Variants in PDCD6IP observed in about 807,000 individuals in gnomAD.
The protein encoded by PDCD6IP is programmed cell death 6 interacting protein, also known as programmed cell death 6-interacting protein.
A neutral mutation model predicts 103.7 loss-of-function variants in PDCD6IP; 43 were observed. The ratio of observed to expected loss-of-function variants is 0.41; its 90% CI spans 0.32 to 0.53. The LOEUF (loss-of-function observed/expected upper bound fraction) is 0.53. Ranked by LOEUF, PDCD6IP falls within the 20% of genes least tolerant of loss-of-function variation. The pLI, the probability that PDCD6IP is intolerant of heterozygous loss-of-function variation, is 0.16. For missense variants in PDCD6IP, 871 were observed against 1,036.7 expected, an observed-to-expected ratio of 0.84 and a Z score of 2.20; for synonymous variants, 354 against 378.7, an observed-to-expected ratio of 0.93 and a Z score of 0.76.
intron 15 of PDCD6IP, among the ~76,000 whole-genome samples, chr3:33,860,691 A>G (rs1021082982): frequency 3.3e-5 from 5 of 152,204 alleles, no homozygotes; most frequent in Admixed American, 6.5e-5. Context: ...TATTTGTGAG[A>G]TTCATCAGTA....
intron 1 of PDCD6IP, among the ~76,000 whole-genome samples, chr3:33,804,309 G>C (rs1696544053): frequency 6.6e-6 from 1 of 152,196 alleles, no homozygotes; most frequent in African/African-American, 2.4e-5. Context: ...ATTTCCCAAG[G>C]CTCCACCTTA....
intron 4 of PDCD6IP, among the ~76,000 whole-genome samples, chr3:33,823,897 A>T (rs964558917): frequency 1.4e-4 from 22 of 152,236 alleles, no homozygotes; most frequent in Non-Finnish European, 2.2e-4. Flanking sequence ...ATTCTGAATT[A>T]TGAAAGAAAC....
chr3:33,801,896 A>G (rs1048336722), intron 1 of PDCD6IP, among the ~76,000 whole-genome samples: 1 of 152,210 alleles, frequency 6.6e-6, no homozygotes. Context: ...TCAGCTTTCT[A>G]AATTTTATCC....
intron 15 of PDCD6IP, among the ~76,000 whole-genome samples, chr3:33,859,939 A>T (rs1321403262): frequency 6.6e-6 from 1 of 152,228 alleles, no homozygotes; most frequent in Non-Finnish European, 1.5e-5. Flanking sequence ...AGGGCTGGTG[A>T]AATAAAGCTA....
intron 11 of PDCD6IP, among the ~76,000 whole-genome samples, chr3:33,844,490 A>T (rs1559791019): frequency 1.3e-5 from 2 of 151,724 alleles, no homozygotes; most frequent in African/African-American, 4.8e-5. Flanking sequence ...TATTTTATTT[A>T]TTTTTTTTGA....
intron 1 of PDCD6IP, among the ~76,000 whole-genome samples, chr3:33,806,423 T>C (rs1010076542): frequency 1.3e-5 from 2 of 152,250 alleles, no homozygotes; most frequent in Non-Finnish European, 2.9e-5. Flanking sequence ...AACTCAGGGC[T>C]ATCTGACTTG....
intron 7 of PDCD6IP, among the ~76,000 whole-genome samples, chr3:33,833,077 A>G (rs1697275694): frequency 6.6e-6 from 1 of 152,088 alleles, no homozygotes; most frequent in Admixed American, 6.6e-5. Flanking sequence ...TTTTACAACT[A>G]TCTCACGTAT....
intron 13 of PDCD6IP, among the ~76,000 whole-genome samples, chr3:33,853,499 C>G (rs1697763768): frequency 6.6e-6 from 1 of 152,136 alleles, no homozygotes; most frequent in Admixed American, 6.5e-5. Context: ...CTAACAAATA[C>G]TTGAAAGTTT....
At chr3:33,862,997 AAAC>A (rs1164547100) in intron 15 of PDCD6IP, among the ~76,000 whole-genome samples, 2 of 152,330 alleles carry the variant, frequency 1.3e-5, no homozygotes, top group Non-Finnish European at 2.9e-5. Context: ...TCATTTTATT[AAAC>A]AATAGGAAGA....
At chr3:33,810,977 TC>T in intron 1 of PDCD6IP, 1 of 268,638 alleles carries the variant, frequency 3.7e-6, no homozygotes, top group South Asian at 2.9e-5. Context: ...AGCCATGACC[TC>T]CAGATCAAGT....
At chr3:33,829,987 CTCTCCCA>C (rs1697212248) in intron 7 of PDCD6IP, among the ~76,000 whole-genome samples, 1 of 152,178 alleles carries the variant, frequency 6.6e-6, no homozygotes, top group Admixed American at 6.5e-5. Context: ...GTAACTAACC[CTCTCCCA>C]TGATAATGAC....
intron 12 of PDCD6IP, 51 bp from the exon 13 acceptor site, chr3:33,852,437 C>T (rs1388700339): frequency 4.7e-4 from 489 of 1,042,084 alleles, no homozygotes; most frequent in African/African-American, 2.8e-3. Flanking sequence ...TCGAAATTGG[C>T]TTTTTTTTTT....
intron 12 of PDCD6IP, among the ~76,000 whole-genome samples, chr3:33,849,821 G>A (rs1272001926): frequency 1.3e-5 from 2 of 152,204 alleles, no homozygotes; most frequent in Non-Finnish European, 2.9e-5. Flanking sequence ...TGTTAAACTA[G>A]TGTACTGCAT....
intron 9 of PDCD6IP, among the ~76,000 whole-genome samples, chr3:33,841,004 C>G (rs1164200730): frequency 1.3e-5 from 2 of 150,300 alleles, no homozygotes; most frequent in African/African-American, 4.9e-5. Context: ...TTAATGCGGT[C>G]ATAGTTTTTC....
At chr3:33,863,967 T>C (rs1363820491) in intron 15 of PDCD6IP, 39 bp from the exon 16 acceptor site, 1 of 1,385,844 alleles carries the variant, frequency 7.2e-7, no homozygotes, top group Non-Finnish European at 1.0e-6. Context: ...GTTAATTTTT[T>C]TCTATCATGT....
intron 12 of PDCD6IP, 148 bp from the exon 13 acceptor site, chr3:33,852,340 T>C (rs1697732323): frequency 1.5e-6 from 2 of 1,359,918 alleles, no homozygotes; most frequent in South Asian, 3.2e-5. Context: ...TGTCTATCTA[T>C]ATAAACCTGA....
At chr3:33,863,086 TAATTATAC>T (rs2125453382) in intron 15 of PDCD6IP, among the ~76,000 whole-genome samples, 1 of 152,348 alleles carries the variant, frequency 6.6e-6, no homozygotes, top group South Asian at 2.1e-4. Flanking sequence ...TATTGATAAA[TAATTATAC>T]ATATTATGGG....
At chr3:33,854,143 T>C in intron 14 of PDCD6IP, 130 bp downstream of exon 14, 3 of 1,007,640 alleles carry the variant, frequency 3.0e-6, no homozygotes, top group Non-Finnish European at 4.2e-6. Context: ...ATGCCATTGC[T>C]GCTGCGAAGT....
chr3:33,818,347 C>T (rs1696906052), intron 3 of PDCD6IP, among the ~76,000 whole-genome samples: 1 of 150,392 alleles, frequency 6.6e-6, no homozygotes, highest in Non-Finnish European at 1.5e-5. Flanking sequence ...ACCTCAAGAG[C>T]TCCGCCCACC....
Sources: allele counts gnomAD v4.1 joint callset (sites outside exome capture counted in the v4.1 genomes callset), GRCh38; gene constraint gnomAD v4.1.1; transcripts MANE v1.5; gene names NCBI Gene and HGNC (gene_info 2026-07-23, HGNC 2026-07-21).